FKBP10: variants seen among roughly 807,000 people sequenced by gnomAD.
The protein encoded by FKBP10 is FKBP prolyl isomerase 10, also known as peptidyl-prolyl cis-trans isomerase FKBP10.
Under a neutral mutation model 53.7 loss-of-function variants are expected in FKBP10, and 34 were observed. That is an observed-to-expected ratio of 0.63 (90% confidence interval 0.48 to 0.84). The LOEUF is 0.84. Ranked by LOEUF, FKBP10 falls within the 40% of genes least tolerant of loss-of-function variation. The pLI, the probability that FKBP10 is intolerant of heterozygous loss-of-function variation, is 0.00. For synonymous variants in FKBP10, 324 were observed against 335.7 expected (o/e 0.97, Z 0.38); for missense variants, 748 against 797.8 (o/e 0.94, Z 0.75).
chr17:41,819,749 C>T, intron 6 of FKBP10, 74 bp downstream of exon 6: 1 of 1,553,078 alleles, frequency 6.4e-7, no homozygotes, highest in Middle Eastern at 2.0e-4. Flanking sequence ...CCCCCTCCCA[C>T]AGTGGGATTC....
Position 41,821,828 on chromosome 17 carries a change from G to A in FKBP10, c.1563+11G>A, listed in dbSNP as rs1555617206. The A allele has an allele frequency of 1.9e-6, 3 of 1,613,928 alleles. No homozygotes were observed. Among genetic ancestry groups the A allele is most frequent in the Non-Finnish European group, 2.5e-6 (3 of 1,180,034 alleles). ...GTCCCTCCGGAGGAGGTGGGTGAAG[G>A]TTCAGTCCTAATAGCCATGCCCACG... On this transcript the variant is annotated intron_variant, in intron 9 of 9. Coordinates refer to ENST00000321562, the MANE Select transcript of FKBP10 (RefSeq NM_021939.4).
rs781784785 is a variant in FKBP10, at chr17:41,818,105, G to A, written c.408G>A (p.Pro136=). 76 of 1,611,462 alleles carry A rather than the reference G, an allele frequency of 4.7e-5. No homozygotes were observed. The highest frequency in any genetic ancestry group is 6.7e-5 in the East Asian group (3 of 44,738). ...GSIGLAGLIP[P]DATLYFDVVL... is the part of the protein sequence containing the mutation. ...CTCTCACAGCGGGGCTCATTCCACC[G>A]GATGCCACCCTCTACTTCGATGTGG... Residue 136 remains proline, a synonymous_variant, in exon 3 of 10, where the codon CCG becomes CCA. Coordinates refer to ENST00000321562, the MANE Select transcript of FKBP10 (RefSeq NM_021939.4).
chr17:41,821,184 G>C (rs2047888057), intron 8 of FKBP10, 95 bp downstream of exon 8: 2 of 1,414,640 alleles, frequency 1.4e-6, no homozygotes, highest in East Asian at 2.5e-5. Context: ...GTGCAGTGGT[G>C]TGCTCTCAGC....
chr17:41,814,819 ACCT>A (rs1256247653), intron 1 of FKBP10, among the ~76,000 whole-genome samples: 9 of 151,998 alleles, frequency 5.9e-5, no homozygotes, highest in African/African-American at 2.2e-4. Context: ...GCTCACTGCA[ACCT>A]CCTGGGTTCA....
rs1555616379 is a variant in FKBP10, at chr17:41,818,218, G to A, written c.521G>A (p.Gly174Asp). 6.2e-7 allele frequency: 1 copy of A among 1,613,504 alleles called. No individual in the cohort carries two copies. ...CACTGCCCCCGCATGGTCCAGGACGGCGACTTTGTCCGCTACCACTACAAT... is the reference window on the plus strand; with the variant it reads ...CACTGCCCCCGCATGGTCCAGGACGACGACTTTGTCCGCTACCACTACAAT... ...PPHCPRMVQD[G>D]DFVRYHYNGT... The change falls in exon 3 of 10, where the codon GGC becomes GAC. Residue 174 changes from glycine (G) to aspartate (D), a missense_variant. Transcript: ENST00000321562.
At chr17:41,817,267 G>C in intron 2 of FKBP10, 64 bp downstream of exon 2, 1 of 1,595,704 alleles carries the variant, frequency 6.3e-7, no homozygotes. Flanking sequence ...AGGGATCCTG[G>C]GGTGAGAAAA....
chr17:41,814,901 TTTTG>T (rs1242875144), intron 1 of FKBP10, among the ~76,000 whole-genome samples: 4 of 151,782 alleles, frequency 2.6e-5, no homozygotes, highest in African/African-American at 4.8e-5. Flanking sequence ...CCCAGCTAAT[TTTTG>T]TTTGTTTGTT....
chr17:41,814,852 C>G (rs2047794949), intron 1 of FKBP10, among the ~76,000 whole-genome samples: 1 of 152,190 alleles, frequency 6.6e-6, no homozygotes, highest in African/African-American at 2.4e-5. Flanking sequence ...CCTGCTTCAG[C>G]CTCCCAAGTA....
intron 7 of FKBP10, chr17:41,820,715 C>G: frequency 1.5e-6 from 1 of 681,288 alleles, no homozygotes; most frequent in South Asian, 1.9e-5. Context: ...AGAGGGGAAA[C>G]TGACGCAGGG....
At position 41,819,508 on chromosome 17, in the gene FKBP10, G is replaced by A. The variant is rs782146453; in HGVS notation, c.918-22G>A. On this transcript the variant is annotated intron_variant, in intron 5 of 9. Coordinates refer to ENST00000321562, the MANE Select transcript of FKBP10 (RefSeq NM_021939.4). ...GAGGGCCCCTTTGACTCCCTTCCTG[G>A]CCCTCCCGCCTTGTATTGCAGCTAC... 13 of 1,613,800 alleles carry A rather than the reference G, an allele frequency of 8.1e-6. No homozygotes were observed. The East Asian group carries it at 2.7e-4, about 33-fold the overall frequency.
At chr17:41,821,963 C>T (rs1372838022) in intron 9 of FKBP10, 146 bp downstream of exon 9, 1 of 1,028,580 alleles carries the variant, frequency 9.7e-7, no homozygotes, top group South Asian at 1.4e-5. Flanking sequence ...GCTCCTTGTC[C>T]CTGCTTTTTC....
Position 41,819,564 on chromosome 17 carries a change from G to C in FKBP10, c.952G>C (p.Gly318Arg). ...SRNHTYNTYI[G>R]QGYIIPGMDQ... Reference sequence around the variant, plus strand: ...CAACCACACCTACAATACCTATATCGGGCAGGGTTACATCATCCCCGGGAT... The same window carrying C: ...CAACCACACCTACAATACCTATATCCGGCAGGGTTACATCATCCCCGGGAT... The change falls in exon 6 of 10, where the codon GGG becomes CGG. Residue 318 changes from glycine to arginine, a missense_variant. By Grantham distance (125) the Gly-to-Arg change is moderately radical. Transcript: ENST00000321562. 1 of 1,613,992 alleles carries C rather than the reference G, an allele frequency of 6.2e-7. No individual in the cohort carries two copies. The highest frequency in any genetic ancestry group is 8.5e-7 in the Non-Finnish European group (1 of 1,179,996).
At chr17:41,813,505 G>A (rs149132107) in intron 1 of FKBP10, among the ~76,000 whole-genome samples, 12 of 152,230 alleles carry the variant, frequency 7.9e-5, no homozygotes, top group Middle Eastern at 3.4e-3. Flanking sequence ...CCACATCCCG[G>A]AAAGGACTCG....
rs782088896 is a variant in FKBP10, at chr17:41,821,106, A to G, written c.1399+17A>G. ...AGAGTGGAGGTGAGGGGCTGAGACC[A>G]TAATCTTTTTTTTTTTTTTTTTTTT... On this transcript the variant is annotated intron_variant, in intron 8 of 9. Coordinates refer to ENST00000321562, the MANE Select transcript of FKBP10 (RefSeq NM_021939.4). 5 of 1,022,592 alleles carry G rather than the reference A, an allele frequency of 4.9e-6. No individual in the cohort carries two copies. Among genetic ancestry groups the G allele is most frequent in the African/African-American group, 3.6e-5 (2 of 55,370 alleles). The allele number at this position is 1,022,592 out of a possible 1,614,324, so 63.3% of individuals were successfully genotyped here.
intron 1 of FKBP10, among the ~76,000 whole-genome samples, chr17:41,814,706 A>T (rs1010716545): frequency 6.6e-6 from 1 of 151,850 alleles, no homozygotes; most frequent in Non-Finnish European, 1.5e-5. Flanking sequence ...CCTGATGGGG[A>T]CTCTGGGAGC....
intron 1 of FKBP10, 62 bp downstream of exon 1, chr17:41,813,341 C>T: frequency 6.2e-7 from 1 of 1,608,064 alleles, no homozygotes; most frequent in East Asian, 2.2e-5. Context: ...GGTCCTGTTT[C>T]CTTGTTGCCT....
Position 41,820,940 on chromosome 17 carries a change from C to T in FKBP10, c.1257-7C>T, listed in dbSNP as rs781800781. 17 of 1,611,000 alleles carry T rather than the reference C, an allele frequency of 1.1e-5. No individual in the cohort carries two copies. The highest frequency in any genetic ancestry group is 1.7e-5 in the Admixed American group (1 of 59,706). ...GGCTGCTGACCTGGGCATCTGCTCT[C>T]CCCCAGGCATGACTACGGGGCCCCC... On this transcript the variant is annotated splice_polypyrimidine_tract_variant and splice_region_variant and intron_variant, in intron 7 of 9. Coordinates refer to ENST00000321562, the MANE Select transcript of FKBP10 (RefSeq NM_021939.4).
chr17:41,821,630 C>T (rs782486098), intron 8 of FKBP10, 24 bp from the exon 9 acceptor site: 1 of 1,613,078 alleles, frequency 6.2e-7, no homozygotes, highest in Non-Finnish European at 8.5e-7. Flanking sequence ...AGGACCCCTC[C>T]CTTCTCTCCT....
At chr17:41,813,302 G>A (rs193018273) in intron 1 of FKBP10, 23 bp downstream of exon 1, 1,329 of 1,613,140 alleles carry the variant, frequency 8.2e-4, no homozygotes, top group Non-Finnish European at 9.4e-4. Context: ...GGGCGCCCCC[G>A]GATTCACCAC....
Sources: allele counts gnomAD v4.1 joint callset (sites outside exome capture counted in the v4.1 genomes callset), GRCh38; gene constraint gnomAD v4.1.1; transcripts MANE v1.5; gene names NCBI Gene and HGNC (gene_info 2026-07-23, HGNC 2026-07-21).